SHROOM3: variants seen among roughly 807,000 people sequenced by gnomAD.
SHROOM3 encodes shroom family member 3, also known as protein Shroom3.
In SHROOM3, 47 loss-of-function variants were observed where a neutral mutation model predicts 138.6. The ratio of observed to expected loss-of-function variants is 0.34; its 90% CI spans 0.27 to 0.43. The LOEUF (loss-of-function observed/expected upper bound fraction) is 0.43. Among genes scored for constraint, SHROOM3 ranks in the 20% least tolerant of loss-of-function variants. The probability of loss-of-function intolerance (pLI) is 1.00; values close to 1 mark genes in which losing one functional copy is unlikely to be tolerated. For missense variants in SHROOM3, 2,491 were observed against 2,596.5 expected, an observed-to-expected ratio of 0.96 and a Z score of 0.88; for synonymous variants, 1,062 against 1,063.3, an observed-to-expected ratio of 1.00 and a Z score of 0.02.
chr4:76,535,923 G>A (rs1019517399), intron 1 of SHROOM3, among the ~76,000 whole-genome samples: 5 of 152,182 alleles, frequency 3.3e-5, no homozygotes, highest in African/African-American at 7.2e-5. Context: ...AGCCACAGGC[G>A]GAGGAAGAAA....
intron 1 of SHROOM3, among the ~76,000 whole-genome samples, chr4:76,495,062 C>G (rs1198250022): frequency 1.3e-5 from 2 of 152,176 alleles, no homozygotes; most frequent in African/African-American, 2.4e-5. Context: ...CAAAATTAAG[C>G]AGATGGTTAA....
rs1472806418 is a variant in SHROOM3, at chr4:76,754,870, C to T, written c.4387C>T (p.Leu1463Phe). Residue 1463 changes from leucine (L) to phenylalanine (F), a missense_variant, in exon 7 of 11, where the codon CTT becomes TTT. By Grantham distance (22) the Leu-to-Phe change is conservative (BLOSUM62 0). Coordinates refer to ENST00000296043, the MANE Select transcript of SHROOM3 (RefSeq NM_020859.4). ...NLKHYQKQQS[L>F]PSLCSTSDPD... is the part of the protein sequence containing the mutation. ...GAAGCACTATCAAAAACAGCAGAGT[C>T]TTCCAAGTTTATGCAGCACTTCTGA... 1.9e-6 allele frequency: 3 copies of T among 1,614,106 alleles called. No individual in the cohort carries two copies. Among genetic ancestry groups the T allele is most frequent in the Non-Finnish European group, 2.5e-6 (3 of 1,180,038 alleles).
intron 2 of SHROOM3, among the ~76,000 whole-genome samples, chr4:76,706,413 G>A (rs777660332): frequency 1.1e-4 from 16 of 152,100 alleles, no homozygotes; most frequent in African/African-American, 1.9e-4. Context: ...GTGCCTGGCC[G>A]AAAAGAATGT....
At chr4:76,482,016 A>G (rs28759703) in intron 1 of SHROOM3, among the ~76,000 whole-genome samples, 7,822 of 152,116 alleles carry the variant, frequency 0.051, 247 homozygotes, top group African/African-American at 0.083. Context: ...AAAATATTAA[A>G]AGATATTTAT....
At chr4:76,727,611 C>T (rs1026040656) in intron 3 of SHROOM3, among the ~76,000 whole-genome samples, 4 of 152,120 alleles carry the variant, frequency 2.6e-5, no homozygotes, top group Admixed American at 6.5e-5. Flanking sequence ...TTGATTCGGC[C>T]GGGCACGGTG....
chr4:76,733,116 C>G (rs769079184), intron 4 of SHROOM3, among the ~76,000 whole-genome samples: 1 of 152,114 alleles, frequency 6.6e-6, no homozygotes, highest in Non-Finnish European at 1.5e-5. Flanking sequence ...AGCCCTAAAT[C>G]CAAAGCCACA....
intron 1 of SHROOM3, among the ~76,000 whole-genome samples, chr4:76,436,455 C>CT (rs1439320784): frequency 3.3e-5 from 5 of 152,144 alleles, no homozygotes; most frequent in African/African-American, 7.2e-5. Flanking sequence ...ATAATCTTCT[C>CT]TTTTTGTGAA....
chr4:76,620,419 G>A (rs1210579969), intron 2 of SHROOM3, among the ~76,000 whole-genome samples: 1 of 152,230 alleles, frequency 6.6e-6, no homozygotes, highest in African/African-American at 2.4e-5. Context: ...CCAAGGGCGA[G>A]AGCAGAAGTG....
chr4:76,675,677 G>A (rs1203536921), intron 2 of SHROOM3, among the ~76,000 whole-genome samples: 2 of 152,150 alleles, frequency 1.3e-5, no homozygotes, highest in South Asian at 2.1e-4. Flanking sequence ...AGGCAACATA[G>A]AGGCCCCATT....
At chr4:76,685,303 GGAA>G (rs774908045) in intron 2 of SHROOM3, among the ~76,000 whole-genome samples, 62 of 152,134 alleles carry the variant, frequency 4.1e-4, no homozygotes, top group East Asian at 3.7e-3. Context: ...GGGACACACT[GGAA>G]GAAGAAGAAT....
rs745862889 is a variant in SHROOM3, at chr4:76,710,156, A to G, written c.324A>G (p.Arg108=). ...CTTCTTCTTTTCCTATTGTTGACAGAGATGTGTGCACAGACCCAGGCCATG... is the reference window on the plus strand; with the variant it reads ...CTTCTTCTTTTCCTATTGTTGACAGGGATGTGTGCACAGACCCAGGCCATG... The part of the protein sequence containing the change: ...SYKTLRLVVR[R]DVCTDPGHAD... The change falls in exon 3 of 11, where the codon AGA becomes AGG. Residue 108 remains arginine (R), a splice_region_variant and synonymous_variant. Coordinates refer to ENST00000296043, the MANE Select transcript of SHROOM3 (RefSeq NM_020859.4). 1.2e-6 allele frequency: 2 copies of G among 1,613,892 alleles called. No homozygotes were observed. The highest frequency in any genetic ancestry group is 2.2e-5 in the East Asian group (1 of 44,892).
At chr4:76,580,185 T>C (rs1182452304) in intron 2 of SHROOM3, among the ~76,000 whole-genome samples, 1 of 152,248 alleles carries the variant, frequency 6.6e-6, no homozygotes, top group Non-Finnish European at 1.5e-5. Flanking sequence ...ACCTCTCTTG[T>C]TACTGCTGGC....
chr4:76,562,375 T>G (rs1210678234), intron 2 of SHROOM3, among the ~76,000 whole-genome samples: 1 of 152,206 alleles, frequency 6.6e-6, no homozygotes, highest in Non-Finnish European at 1.5e-5. Context: ...TAGAATGGAA[T>G]GGGATGGTTG....
chr4:76,442,636 C>A (rs188993408), intron 1 of SHROOM3, among the ~76,000 whole-genome samples: 1 of 152,132 alleles, frequency 6.6e-6, no homozygotes, highest in Non-Finnish European at 1.5e-5. Flanking sequence ...GTCTCGATCT[C>A]CTTACCTTAT....
At position 76,741,162 on chromosome 4, in the gene SHROOM3, A is replaced by G; in HGVS notation, c.2989A>G (p.Arg997Gly). The G allele has an allele frequency of 1.9e-6, 3 of 1,579,226 alleles. No individual in the cohort carries two copies. The highest frequency in any genetic ancestry group is 2.6e-6 in the Non-Finnish European group (3 of 1,163,774). ...GACCCCTGCTGAGGGCGACCTGGCC[A>G]GGCCCGTGCCCCCTGCCGCCCGGAG... ...SVTPAEGDLA[R>G]PVPPAARRGA... The change falls in exon 5 of 11, where the codon AGG (arginine) becomes GGG (glycine). Residue 997 changes from arginine (R) to glycine (G), a missense_variant. Physicochemically the swap from Arg to Gly is moderately radical, Grantham distance 125. Around this residue, in one of 4 missense-constraint regions of SHROOM3, gnomAD observed 1,733 missense variants for 1,661.6 expected, o/e 1.04. Transcript: ENST00000296043. The surrounding 1 kb of genome is among the most constrained non-coding windows in gnomAD (Gnocchi z 6.2).
intron 2 of SHROOM3, among the ~76,000 whole-genome samples, chr4:76,585,704 T>C (rs1373345545): frequency 1.3e-5 from 2 of 152,218 alleles, no homozygotes; most frequent in Non-Finnish European, 1.5e-5. Context: ...ATCTTTATTA[T>C]AAATGATCTA....
At chr4:76,685,890 T>A (rs964249564) in intron 2 of SHROOM3, among the ~76,000 whole-genome samples, 1 of 152,160 alleles carries the variant, frequency 6.6e-6, no homozygotes, top group Admixed American at 6.5e-5. Context: ...GAGAATCGCT[T>A]GAACAAGGGA....
chr4:76,732,375 G>A (rs1720914552), intron 4 of SHROOM3, among the ~76,000 whole-genome samples: 1 of 152,198 alleles, frequency 6.6e-6, no homozygotes, highest in South Asian at 2.1e-4. Flanking sequence ...TAATACTCAT[G>A]TCTGGTCAAG....
chr4:76,743,396 C>T (rs1721325410), intron 5 of SHROOM3, among the ~76,000 whole-genome samples: 1 of 152,148 alleles, frequency 6.6e-6, no homozygotes, highest in Non-Finnish European at 1.5e-5. Flanking sequence ...CTTTCTGCCT[C>T]CAAAAACAAA....
Sources: gnomAD v4.1 joint callset for allele counts (sites outside exome capture counted in the v4.1 genomes callset) on GRCh38, gnomAD v4.1.1 for gene constraint, gnomAD v4.1.1 regional missense constraint, Gnocchi (gnomAD v3.1) non-coding constraint, MANE v1.5 for transcripts, NCBI Gene and HGNC (gene_info 2026-07-23, HGNC 2026-07-21) for gene names.